PSMB2: variants seen among roughly 807,000 people sequenced by gnomAD.
PSMB2 encodes proteasome 20S subunit beta 2, also known as proteasome subunit beta type-2.
Under a neutral mutation model 25.7 loss-of-function variants are expected in PSMB2, and 13 were observed. The ratio of observed to expected loss-of-function variants is 0.51; its 90% CI spans 0.33 to 0.80. The LOEUF (loss-of-function observed/expected upper bound fraction) is 0.80. Among genes scored for constraint, PSMB2 ranks in the 30% least tolerant of loss-of-function variants. The pLI is 0.02. For missense variants in PSMB2, 202 were observed against 259.0 expected, an observed-to-expected ratio of 0.78 and a Z score of 1.51; for synonymous variants, 87 against 96.2, an observed-to-expected ratio of 0.90 and a Z score of 0.56.
chr1:35,628,626 T>G (rs1310288328), intron 3 of PSMB2, among the ~76,000 whole-genome samples: 1 of 49,800 alleles, frequency 2.0e-5, no homozygotes, highest in Non-Finnish European at 3.4e-5. Context: ...TATATATATA[T>G]ATATATTTTT....
chr1:35,623,939 T>A (rs565927618), intron 3 of PSMB2, among the ~76,000 whole-genome samples: 1 of 152,334 alleles, frequency 6.6e-6, no homozygotes. Context: ...AATAAACAGA[T>A]GATGCCTTTG....
rs1292487812 is a variant in PSMB2, at chr1:35,605,273, C to T, written c.458G>A (p.Arg153His). The part of the protein sequence containing the change: ...LDRYYTPTIS[R>H]ERAVELLRKC... ...CCTAAGGAGTTCCACTGCCCTCTCACGTGAGATAGCTGAAAGAGAACACAG... is the reference window on the plus strand; with the variant it reads ...CCTAAGGAGTTCCACTGCCCTCTCATGTGAGATAGCTGAAAGAGAACACAG... Residue 153 changes from arginine to histidine, a missense_variant, in exon 5 of 6, where the codon CGT becomes CAT. Physicochemically the swap from Arg to His is conservative, Grantham distance 29 (BLOSUM62 0). Transcript: ENST00000373237. 5 of 1,613,106 alleles carry T rather than the reference C, an allele frequency of 3.1e-6. No individual in the cohort carries two copies. Among genetic ancestry groups the T allele is most frequent in the Admixed American group, 1.7e-5 (1 of 59,802 alleles).
In PSMB2 at chr1:35,603,061, A is replaced by G. The variant is rs920337163; in HGVS notation, c.*206T>C. The G allele has an allele frequency of 1.1e-5, 15 of 1,333,754 alleles. No individual in the cohort carries two copies. Among genetic ancestry groups the G allele is most frequent in the Non-Finnish European group, 1.3e-5 (14 of 1,041,854 alleles). 82.6% of individuals were successfully genotyped at this position (1,333,754 alleles called of 1,614,324 possible). A position where few individuals can be genotyped will look rare whatever the true frequency, so the allele number is the denominator to read the frequency against. The stretch of plus-strand genomic sequence containing the variant: ...AGGGCGGAGCAGGAAGAAAAGTCAG[A>G]CCTGGCAAAAAGATCATCTTCCCTC... On this transcript the variant is annotated 3_prime_UTR_variant, in exon 6 of 6. Transcript: ENST00000373237.
At position 35,641,217 on chromosome 1, in the gene PSMB2, G is replaced by C. The variant is rs1166840454; in HGVS notation, c.91+125C>G. ...AAAAATAAATAAATAAATAAAATAAGTACGGGCAGGGCAGGCCGGCTTCCA... is the reference window on the plus strand; with the variant it reads ...AAAAATAAATAAATAAATAAAATAACTACGGGCAGGGCAGGCCGGCTTCCA... On this transcript the variant is annotated intron_variant, in intron 1 of 5. Transcript: ENST00000373237. 3 of 1,198,590 alleles carry C rather than the reference G, an allele frequency of 2.5e-6. No homozygotes were observed. In the African/African-American group the frequency reaches 4.7e-5, roughly 19 times the overall value. The allele number at this position is 1,198,590 out of a possible 1,614,324, so 74.2% of individuals were successfully genotyped here. A position where few individuals can be genotyped will look rare whatever the true frequency, so the allele number is the denominator to read the frequency against.
At position 35,628,621 on chromosome 1, in the gene PSMB2, AT is replaced by A. The variant is rs1650980196; in HGVS notation, c.285+2652del. On this transcript the variant is annotated intron_variant, in intron 3 of 5. Coordinates refer to ENST00000373237, the MANE Select transcript of PSMB2 (RefSeq NM_002794.5). ...AATATATATATATATATATATATAT[AT>A]ATATATATATTTTTTTTTTTTTTTT... Among the ~76,000 whole-genome samples the A allele has an allele frequency of 4.3e-5, 2 of 46,596 alleles. 1 individual carries two copies. Among genetic ancestry groups the A allele is most frequent in the African/African-American group, 1.8e-4 (2 of 11,304 alleles). 30.6% of individuals were successfully genotyped at this position (46,596 alleles called of 152,430 possible).
chr1:35,639,079 C>A (rs1338230846), intron 1 of PSMB2, among the ~76,000 whole-genome samples: 1 of 152,086 alleles, frequency 6.6e-6, no homozygotes, highest in South Asian at 2.1e-4. Flanking sequence ...ACTGGTGAAA[C>A]CCCGTTTCTA....
At chr1:35,604,101 AC>A (rs1650089768) in intron 5 of PSMB2, among the ~76,000 whole-genome samples, 1 of 151,822 alleles carries the variant, frequency 6.6e-6, no homozygotes, top group South Asian at 2.1e-4. Context: ...TAAGAAGCAA[AC>A]TGACATTACT....
intron 4 of PSMB2, among the ~76,000 whole-genome samples, chr1:35,605,985 A>G (rs1262771310): frequency 6.6e-6 from 1 of 152,222 alleles, no homozygotes; most frequent in East Asian, 1.9e-4. Flanking sequence ...GCGAGAGGGC[A>G]GCACCAAAAA....
intron 1 of PSMB2, among the ~76,000 whole-genome samples, 159 bp from the exon 2 acceptor site, chr1:35,636,591 G>GA (rs201408647): frequency 0.17 from 24,104 of 138,352 alleles, 4,039 homozygotes; most frequent in East Asian, 0.74. Context: ...AAATTATTCA[G>GA]AAAAAAAAAA....
At chr1:35,636,205 C>T in intron 2 of PSMB2, 105 bp downstream of exon 2, 1 of 1,399,636 alleles carries the variant, frequency 7.1e-7, no homozygotes, top group Non-Finnish European at 9.9e-7. Context: ...ACATCTAGAA[C>T]TGTGAGAAAA....
chr1:35,636,075 A>C (rs896549384), intron 2 of PSMB2, among the ~76,000 whole-genome samples: 33 of 152,180 alleles, frequency 2.2e-4, no homozygotes, highest in African/African-American at 8.0e-4. Flanking sequence ...AGAAGAGAAA[A>C]TTTGGATATA....
chr1:35,638,381 T>C (rs1053970447), intron 1 of PSMB2, among the ~76,000 whole-genome samples: 4 of 152,210 alleles, frequency 2.6e-5, no homozygotes, highest in African/African-American at 4.8e-5. Flanking sequence ...CATGTCATAC[T>C]GTGGAAAACC....
chr1:35,636,253 T>G lies in PSMB2; in HGVS notation c.214+57A>C, dbSNP rs57486078. 8.6e-5 allele frequency: 138 copies of G among 1,601,952 alleles called. No homozygotes were observed. In the African/African-American group the frequency reaches 1.7e-3, roughly 19 times the overall value. On this transcript the variant is annotated intron_variant, in intron 2 of 5. Coordinates refer to ENST00000373237, the MANE Select transcript of PSMB2 (RefSeq NM_002794.5). ...GTTTAAGCCACCCAGTCTGTGACTT[T>G]AGTAATGGCAGCCCTAGTAAACTCA...
chr1:35,623,306 G>A (rs1485053190), intron 3 of PSMB2, among the ~76,000 whole-genome samples: 1 of 152,140 alleles, frequency 6.6e-6, no homozygotes, highest in Admixed American at 6.5e-5. Context: ...GGAGACAAAA[G>A]TAATGAACAG....
Position 35,641,509 on chromosome 1 carries a change from C to A in PSMB2, c.-77G>T. The A allele has an allele frequency of 1.3e-6, 2 of 1,591,700 alleles. No homozygotes were observed. Among genetic ancestry groups the A allele is most frequent in the South Asian group, 1.1e-5 (1 of 89,530 alleles). ...CTTCCAGGTCTCACCGGTGAGACAGCACCTCAGAGCGAAGATTGGCGCGAC... is the reference window on the plus strand; with the variant it reads ...CTTCCAGGTCTCACCGGTGAGACAGAACCTCAGAGCGAAGATTGGCGCGAC... On this transcript the variant is annotated 5_prime_UTR_variant, in exon 1 of 6. Transcript: ENST00000373237.
At position 35,602,942 on chromosome 1, in the gene PSMB2, A is replaced by T. The variant is rs1650047747; in HGVS notation, c.*325T>A. On this transcript the variant is annotated 3_prime_UTR_variant, in exon 6 of 6. Coordinates refer to ENST00000373237, the MANE Select transcript of PSMB2 (RefSeq NM_002794.5). ...CTTTAGAGAGAATGGAGATACTAGC[A>T]AGTAAAATATATGAAAGAGCTAGTT... 13 of 1,041,500 alleles carry T rather than the reference A, an allele frequency of 1.2e-5. No homozygotes were observed. The South Asian group carries it at 4.5e-4, about 36-fold the overall frequency. The allele number at this position is 1,041,500 out of a possible 1,614,324, so 64.5% of individuals were successfully genotyped here. A position where few individuals can be genotyped will look rare whatever the true frequency, so the allele number is the denominator to read the frequency against.
chr1:35,603,480 T>C, intron 5 of PSMB2, 106 bp from the exon 6 acceptor site: 1 of 1,349,366 alleles, frequency 7.4e-7, no homozygotes, highest in Non-Finnish European at 1.0e-6. Flanking sequence ...ATCCCTGCTT[T>C]TGTGGAACTG....
At chr1:35,605,347 T>A (rs1341280134) in intron 4 of PSMB2, 65 bp from the exon 5 acceptor site, 16 of 1,507,864 alleles carry the variant, frequency 1.1e-5, no homozygotes, top group Non-Finnish European at 1.5e-5. Flanking sequence ...TCAGAAGCTT[T>A]TGATTAAGTT....
chr1:35,606,108 C>G lies in PSMB2; in HGVS notation c.449-826G>C, dbSNP rs112423944. On this transcript the variant is annotated intron_variant, in intron 4 of 5. Transcript: ENST00000373237. ...TGTAAAAGCTAAGAATTCCAAAGTA[C>G]CCACTGCCCACAGAGGCTAAAGTCG... Among the ~76,000 whole-genome samples, 221 of 152,234 alleles carry G rather than the reference C, an allele frequency of 1.5e-3. 3 individuals are homozygous for G. Among genetic ancestry groups the G allele is most frequent in the African/African-American group, 4.8e-3 (201 of 41,518 alleles).
Sources: allele counts gnomAD v4.1 joint callset (sites outside exome capture counted in the v4.1 genomes callset), GRCh38; gene constraint gnomAD v4.1.1; transcripts MANE v1.5; gene names NCBI Gene and HGNC (gene_info 2026-07-23, HGNC 2026-07-21).